The following SLC39A14 variants were observed in gnomAD, a reference collection of about 807,000 sequenced individuals.
The protein encoded by SLC39A14 is solute carrier family 39 member 14.
Under a neutral mutation model 45.5 loss-of-function variants are expected in SLC39A14, and 19 were observed. The observed-to-expected ratio is 0.42, with a 90% CI of 0.29 to 0.61. The LOEUF is 0.61. Among genes scored for constraint, SLC39A14 ranks in the 20% least tolerant of loss-of-function variants. SLC39A14 has a pLI of 0.22. For synonymous variants in SLC39A14, 264 were observed against 251.3 expected (o/e 1.05, Z -0.48); for missense variants, 447 against 616.5 (o/e 0.73, Z 2.91).
intron 2 of SLC39A14, among the ~76,000 whole-genome samples, chr8:22,406,670 G>A (rs1213924352): frequency 3.9e-5 from 6 of 152,134 alleles, no homozygotes; most frequent in Non-Finnish European, 8.8e-5. Context: ...CCAGCCTGGC[G>A]ACAGAGCGAG....
chr8:22,378,374 A>C (rs894539127), intron 1 of SLC39A14, among the ~76,000 whole-genome samples: 5 of 152,150 alleles, frequency 3.3e-5, no homozygotes, highest in Non-Finnish European at 7.3e-5. Context: ...TAGAAGACTA[A>C]ACTTAGGGTG....
chr8:22,385,694 A>C lies in SLC39A14; in HGVS notation c.-16+18286A>C, dbSNP rs571216327. Among the ~76,000 whole-genome samples the C allele has an allele frequency of 2.8e-4, 43 of 152,170 alleles. No homozygotes were observed. In the South Asian group the frequency reaches 8.1e-3, roughly 29 times the overall value. On this transcript the variant is annotated intron_variant, in intron 1 of 8. Coordinates refer to ENST00000381237, the MANE Select transcript of SLC39A14 (RefSeq NM_001128431.4). ...CAGTGGTCTATAGACCAGGAAGAGG[A>C]GTTTAGATTTTATTCCATGTGGCTG...
exon 9 of SLC39A14, chr8:22,433,947 G>A: frequency 2.3e-6 from 1 of 437,416 alleles, no homozygotes. Flanking sequence ...TCAGCTCACT[G>A]CAACCTCTGC....
At chr8:22,415,031 C>T in intron 5 of SLC39A14, 129 bp downstream of exon 5, 1 of 1,122,210 alleles carries the variant, frequency 8.9e-7, no homozygotes, top group Non-Finnish European at 1.3e-6. Context: ...ACTCTAATTT[C>T]TTGAGGAGAC....
At chr8:22,405,924 T>C (rs1215160275) in intron 2 of SLC39A14, among the ~76,000 whole-genome samples, 1 of 152,122 alleles carries the variant, frequency 6.6e-6, no homozygotes, top group Admixed American at 6.5e-5. Flanking sequence ...TTGTGAGAAA[T>C]AGAGAAAAAT....
At chr8:22,415,279 G>A (rs1835806359) in intron 5 of SLC39A14, 1 of 211,700 alleles carries the variant, frequency 4.7e-6, no homozygotes, top group Admixed American at 5.9e-5. Context: ...GTTTCAAAAA[G>A]ATATCTTTAG....
chr8:22,417,551 A>C, intron 7 of SLC39A14, 100 bp from the exon 8 acceptor site: 1 of 1,013,376 alleles, frequency 9.9e-7, no homozygotes, highest in Non-Finnish European at 1.5e-6. Context: ...CAGTCCTCCC[A>C]GCTGAGCCTC....
At chr8:22,397,589 C>CAA (rs368412794) in intron 1 of SLC39A14, among the ~76,000 whole-genome samples, 4 of 142,614 alleles carry the variant, frequency 2.8e-5, no homozygotes. Context: ...GACTCCGTCC[C>CAA]AAAAAAAAAA....
At chr8:22,381,356 C>T (rs1005187686) in intron 1 of SLC39A14, among the ~76,000 whole-genome samples, 8 of 151,936 alleles carry the variant, frequency 5.3e-5, no homozygotes, top group African/African-American at 1.5e-4. Context: ...CGGCAAGCTC[C>T]GCCTCCCGGG....
At position 22,421,416 on chromosome 8, in the gene SLC39A14, C is replaced by T. The variant is rs954618190; in HGVS notation, c.*1718C>T. On this transcript the variant is annotated 3_prime_UTR_variant, in exon 9 of 9. Coordinates refer to ENST00000381237, the MANE Select transcript of SLC39A14 (RefSeq NM_001128431.4). ...TTGTTTTTATCTTGCCTGTTGGCTT[C>T]AATACATTTGAGAATACGCTGAAGA... 8.1e-6 allele frequency: 8 copies of T among 985,550 alleles called. No homozygotes were observed. In the African/African-American group the frequency reaches 1.4e-4, roughly 17 times the overall value. The allele number at this position is 985,550 out of a possible 1,614,324, so 61.1% of individuals were successfully genotyped here. A position where few individuals can be genotyped will look rare whatever the true frequency, so the allele number is the denominator to read the frequency against.
At chr8:22,406,062 G>C (rs139055428) in intron 2 of SLC39A14, among the ~76,000 whole-genome samples, 283 of 152,316 alleles carry the variant, frequency 1.9e-3, no homozygotes, top group African/African-American at 6.1e-3. Context: ...AGAAATGAGA[G>C]GGGGAGATGA....
intron 1 of SLC39A14, among the ~76,000 whole-genome samples, chr8:22,396,366 T>TA (rs1182108140): frequency 8.7e-6 from 1 of 115,194 alleles, no homozygotes; most frequent in African/African-American, 3.2e-5. Flanking sequence ...GACTCCATCT[T>TA]AAAAAATAAA....
At chr8:22,414,663 T>C in intron 4 of SLC39A14, 117 bp from the exon 5 acceptor site, 1 of 1,081,718 alleles carries the variant, frequency 9.2e-7, no homozygotes, top group Non-Finnish European at 1.3e-6. Context: ...ACGGCAGAGT[T>C]ACTCCATTAT....
downstream of SLC39A14, among the ~76,000 whole-genome samples, chr8:22,425,306 G>A (rs1171301090): frequency 3.9e-5 from 6 of 152,162 alleles, no homozygotes; most frequent in African/African-American, 1.4e-4. Context: ...CTCTTAATCA[G>A]CTAAGCCATC....
intron 8 of SLC39A14, among the ~76,000 whole-genome samples, chr8:22,418,464 C>T (rs1836021680): frequency 6.6e-6 from 1 of 152,094 alleles, no homozygotes. Context: ...ATACATCATA[C>T]TACCCCTAAA....
At position 22,419,786 on chromosome 8, in the gene SLC39A14, G is replaced by A. The variant is rs1027312911; in HGVS notation, c.*88G>A. Reference sequence around the variant, plus strand: ...GGACTTACCATCCACAATGCACCACGGAAGAGGCCGTTCTATGAAAAACTG... The same window carrying A: ...GGACTTACCATCCACAATGCACCACAGAAGAGGCCGTTCTATGAAAAACTG... On this transcript the variant is annotated 3_prime_UTR_variant, in exon 9 of 9. Transcript: ENST00000381237. 25 of 1,477,132 alleles carry A rather than the reference G, an allele frequency of 1.7e-5. No individual in the cohort carries two copies. The African/African-American group carries it at 2.7e-4, about 16-fold the overall frequency. 91.5% of individuals were successfully genotyped at this position (1,477,132 alleles called of 1,614,324 possible).
intron 5 of SLC39A14, 138 bp downstream of exon 5, chr8:22,415,040 A>G (rs1835792295): frequency 7.5e-6 from 8 of 1,060,978 alleles, no homozygotes; most frequent in South Asian, 1.6e-5. Flanking sequence ...TCTTGAGGAG[A>G]CAATCCCATT....
At chr8:22,411,778 C>A (rs955296587) in intron 3 of SLC39A14, 1 of 434,474 alleles carries the variant, frequency 2.3e-6, no homozygotes, top group Non-Finnish European at 4.2e-6. Context: ...CCAAGGCCAC[C>A]TTGAATTCCT....
chr8:22,378,377 T>C (rs1240356257), intron 1 of SLC39A14, among the ~76,000 whole-genome samples: 1 of 152,192 alleles, frequency 6.6e-6, no homozygotes, highest in Non-Finnish European at 1.5e-5. Flanking sequence ...AAGACTAAAC[T>C]TAGGGTGTCA....
Sources: gnomAD v4.1 joint callset for allele counts (sites outside exome capture counted in the v4.1 genomes callset) on GRCh38, gnomAD v4.1.1 for gene constraint, MANE v1.5 for transcripts, NCBI Gene and HGNC (gene_info 2026-07-23, HGNC 2026-07-21) for gene names.